The following ANK2 variants were observed in gnomAD, a reference collection of about 807,000 sequenced individuals.
The protein encoded by ANK2 is ankyrin-2.
In ANK2, 83 loss-of-function variants were observed where a neutral mutation model predicts 360.5. The ratio of observed to expected loss-of-function variants is 0.23; its 90% CI spans 0.19 to 0.28. ANK2 has a LOEUF of 0.28. ANK2 is among the 10% of genes least tolerant of loss of function. ANK2 has a pLI of 1.00. For synonymous variants in ANK2, 1,740 were observed against 1,759.5 expected (o/e 0.99, Z 0.28); for missense variants, 4,201 against 4,795.7 (o/e 0.88, Z 3.66).
chr4:113,072,600 G>C (rs1273910562), intron 1 of ANK2, among the ~76,000 whole-genome samples: 5 of 152,160 alleles, frequency 3.3e-5, no homozygotes, highest in Admixed American at 2.6e-4. Flanking sequence ...GGGTGTGAGA[G>C]CACCTCAGTT....
intron 1 of ANK2, among the ~76,000 whole-genome samples, chr4:112,870,450 T>A (rs2072546909): frequency 6.6e-6 from 1 of 152,248 alleles, no homozygotes; most frequent in Non-Finnish European, 1.5e-5. Flanking sequence ...CATTTAGGTC[T>A]TTGATTCATT....
At chr4:112,727,048 C>T in the ANK2 span, among the ~76,000 whole-genome samples, 1 of 151,760 alleles carries the variant, frequency 6.6e-6, no homozygotes, top group Admixed American at 6.6e-5. Context: ...ATATATAATT[C>T]AGAGACTAGC....
At position 113,357,074 on chromosome 4, in the gene ANK2, A is replaced by T; in HGVS notation, c.8456A>T (p.Glu2819Val). Residue 2819 changes from glutamate to valine, a missense_variant, in exon 38 of 46, where the codon GAA (glutamate) becomes GTA (valine). Physicochemically the swap from Glu to Val is moderately radical, Grantham distance 121 (BLOSUM62 -2). This residue lies in a region of ANK2 where 2,642 missense variants were observed against 2,714.5 expected (regional missense o/e 0.97). Transcript: ENST00000357077. Reference protein sequence around the residue: ...KESLALQGTHEKDTEGEELDV... With the variant: ...KESLALQGTHVKDTEGEELDV... ...TCATTAGCTCTCCAAGGCACTCATGAAAAAGACACAGAGGGAGAAGAGCTT... is the reference window on the plus strand; with the variant it reads ...TCATTAGCTCTCCAAGGCACTCATGTAAAAGACACAGAGGGAGAAGAGCTT... 1 of 1,614,112 alleles carries T rather than the reference A, an allele frequency of 6.2e-7. No individual in the cohort carries two copies. The highest frequency in any genetic ancestry group is 1.1e-5 in the South Asian group (1 of 91,078).
chr4:112,866,209 C>T lies in ANK2; in HGVS notation c.-39-38246C>T, dbSNP rs548625650. On this transcript the variant is annotated intron_variant, in intron 1 of 30. Coordinates refer to the ANK2 transcript ENST00000503271. ...TCTACTTTGTGACTGTAATTTATGT[C>T]CTCCTATCTCCTGCAAATCCTAGAC... Among the ~76,000 whole-genome samples the T allele has an allele frequency of 3.9e-5, 6 of 152,254 alleles. No individual in the cohort carries two copies. In the East Asian group the frequency reaches 5.8e-4, roughly 15 times the overall value.
At chr4:112,961,808 AC>A (rs2034972506) in intron 2 of ANK2, among the ~76,000 whole-genome samples, 1 of 152,160 alleles carries the variant, frequency 6.6e-6, no homozygotes, top group Non-Finnish European at 1.5e-5. Flanking sequence ...CAAAATAATT[AC>A]AGTGGTTCTC....
intron 22 of ANK2, among the ~76,000 whole-genome samples, chr4:113,296,253 G>A (rs1376487630): frequency 3.9e-5 from 6 of 152,128 alleles, no homozygotes; most frequent in African/African-American, 1.2e-4. Flanking sequence ...ATTGATTTTT[G>A]TGGGAGAGTG....
chr4:113,381,521 A>G lies in ANK2; in HGVS notation c.*50A>G, dbSNP rs374681713. ...GGTGAAGGACCAGCATGGAAAACGC[A>G]TTGACTTGGAGCACCTGGAGGATGT... On this transcript the variant is annotated 3_prime_UTR_variant, in exon 46 of 46. Coordinates refer to ENST00000357077, the MANE Select transcript of ANK2 (RefSeq NM_001148.6). 12 of 1,613,820 alleles carry G rather than the reference A, an allele frequency of 7.4e-6. No homozygotes were observed. Among genetic ancestry groups the G allele is most frequent in the Middle Eastern group, 1.6e-4 (1 of 6,084 alleles).
At chr4:113,342,882 G>A (rs1201439113) in intron 33 of ANK2, 135 bp from the exon 34 acceptor site, 54 of 1,105,144 alleles carry the variant, frequency 4.9e-5, no homozygotes, top group Non-Finnish European at 7.2e-5. Context: ...TAGACAGAAT[G>A]TCAGTTGTCA....
intron 2 of ANK2, among the ~76,000 whole-genome samples, chr4:113,192,937 A>C (rs1338347837): frequency 1.3e-5 from 2 of 151,246 alleles, no homozygotes; most frequent in Admixed American, 6.6e-5. Context: ...AAAAAAAAAA[A>C]AAAACAACCC....
At chr4:113,134,325 G>T (rs2096263881) in intron 1 of ANK2, among the ~76,000 whole-genome samples, 1 of 109,762 alleles carries the variant, frequency 9.1e-6, no homozygotes, top group Non-Finnish European at 1.8e-5. Flanking sequence ...ACCACAGAGA[G>T]AACCCAAGGA....
intron 1 of ANK2, among the ~76,000 whole-genome samples, chr4:113,126,013 A>C (rs2154374614): frequency 6.6e-6 from 1 of 152,326 alleles, no homozygotes; most frequent in South Asian, 2.1e-4. Flanking sequence ...TATATACAAA[A>C]TGAAGTAATC....
intron 2 of ANK2, among the ~76,000 whole-genome samples, chr4:112,983,812 A>G (rs1330931241): frequency 6.6e-6 from 1 of 152,166 alleles, no homozygotes; most frequent in African/African-American, 2.4e-5. Context: ...GTTTTAGGAG[A>G]GCGGACAGCT....
intron 1 of ANK2, among the ~76,000 whole-genome samples, chr4:113,148,366 T>C (rs2154393473): frequency 6.6e-6 from 1 of 152,346 alleles, no homozygotes; most frequent in South Asian, 2.1e-4. Context: ...GATGCTTTAA[T>C]ATAGACATTT....
rs552826984 is a variant in ANK2 at position 113,162,498 on chromosome 4, G to A, written c.85-11918G>A. Among the ~76,000 whole-genome samples, 27 of 151,688 alleles carry A rather than the reference G, an allele frequency of 1.8e-4. No homozygotes were observed. The East Asian group carries it at 2.9e-3, about 16-fold the overall frequency. ...AGTTTTCTCTATACTGTGTTCTTTC[G>A]TGCCCCTATGACATTGCACTTGCTA... On this transcript the variant is annotated intron_variant, in intron 1 of 45. Transcript: ENST00000357077.
chr4:112,884,600 T>C (rs1044951488), intron 1 of ANK2, among the ~76,000 whole-genome samples: 3 of 152,318 alleles, frequency 2.0e-5, no homozygotes, highest in Admixed American at 1.3e-4. Flanking sequence ...CTGCTGACCA[T>C]TGTTTCTCTC....
chr4:113,077,288 T>C (rs757940816), intron 1 of ANK2, among the ~76,000 whole-genome samples: 7 of 152,152 alleles, frequency 4.6e-5, no homozygotes, highest in African/African-American at 1.7e-4. Context: ...GATAAAAACA[T>C]ACACATGAAA....
chr4:113,229,505 T>C lies in ANK2; in HGVS notation c.385-2656T>C, dbSNP rs142865115. ...ACAGAGTTCCTTTTGCCAAATTAGG[T>C]AGCATTTACAGGTTCCAGAGATTAG... On this transcript the variant is annotated intron_variant, in intron 4 of 45. Transcript: ENST00000357077. 3.2e-4 allele frequency among the ~76,000 whole-genome samples: 48 copies of C among 152,304 alleles called. No individual in the cohort carries two copies. In the East Asian group the frequency reaches 8.5e-3, roughly 27 times the overall value.
At chr4:113,096,193 T>C (rs188919615) in intron 1 of ANK2, among the ~76,000 whole-genome samples, 7 of 152,312 alleles carry the variant, frequency 4.6e-5, no homozygotes, top group Admixed American at 1.3e-4. Context: ...TGGGTCTCCT[T>C]ATGAATTGCT....
At chr4:112,933,363 C>A (rs772191491) in intron 2 of ANK2, among the ~76,000 whole-genome samples, 11 of 152,290 alleles carry the variant, frequency 7.2e-5, no homozygotes, top group Non-Finnish European at 1.2e-4. Flanking sequence ...AAAAACAAAA[C>A]CAGAGGTAGA....
Sources: gnomAD v4.1 joint callset for allele counts (sites outside exome capture counted in the v4.1 genomes callset) on GRCh38, gnomAD v4.1.1 for gene constraint, gnomAD v4.1.1 regional missense constraint, MANE v1.5 for transcripts, NCBI Gene and HGNC (gene_info 2026-07-23, HGNC 2026-07-21) for gene names.